Variants in FGD3 observed in about 807,000 individuals in gnomAD.
The protein encoded by FGD3 is FYVE, RhoGEF and PH domain containing 3.
Under a neutral mutation model 71.8 loss-of-function variants are expected in FGD3, and 45 were observed. The observed-to-expected ratio is 0.63, with a 90% confidence interval of 0.49 to 0.80. The LOEUF (loss-of-function observed/expected upper bound fraction) is 0.80. FGD3 is among the 30% of genes least tolerant of loss of function. The pLI is 0.00. For missense variants in FGD3, 844 were observed against 951.5 expected (o/e 0.89, Z 1.49); for synonymous variants, 378 against 392.8 (o/e 0.96, Z 0.44).
At chr9:92,975,068 G>T (rs978671563) in intron 1 of FGD3, among the ~76,000 whole-genome samples, 170 bp from the exon 2 acceptor site, 6 of 152,232 alleles carry the variant, frequency 3.9e-5, no homozygotes, top group Admixed American at 3.9e-4. Context: ...TGCCAGCCTG[G>T]GGGCTGAGGA....
At chr9:92,995,707 GC>G (rs1267214621) in intron 3 of FGD3, among the ~76,000 whole-genome samples, 1 of 152,132 alleles carries the variant, frequency 6.6e-6, no homozygotes, top group Admixed American at 6.5e-5. Flanking sequence ...TTTGTTGAAG[GC>G]CTTTTCTGCA....
At chr9:92,950,468 T>A (rs1010645760) in intron 1 of FGD3, among the ~76,000 whole-genome samples, 7 of 149,578 alleles carry the variant, frequency 4.7e-5, no homozygotes, top group Non-Finnish European at 8.9e-5. Flanking sequence ...GAAGAGCAGG[T>A]TGGATTTGCC....
chr9:93,028,316 T>G (rs953588733), intron 14 of FGD3, among the ~76,000 whole-genome samples: 5 of 146,024 alleles, frequency 3.4e-5, no homozygotes, highest in Admixed American at 1.4e-4. Flanking sequence ...TAAGCTTATT[T>G]TAGGTAGTTT....
At chr9:93,016,548 G>C (rs553445429) in intron 10 of FGD3, among the ~76,000 whole-genome samples, 7 of 151,704 alleles carry the variant, frequency 4.6e-5, no homozygotes, top group Non-Finnish European at 7.4e-5. Flanking sequence ...ATGTTTGCCA[G>C]GCTGGTCTCG....
chr9:93,006,112 G>C lies in FGD3; in HGVS notation c.769G>C (p.Ala257Pro), dbSNP rs753098628. ...YGEYVKNFDRAVGLVSTWTQR... is the reference protein window; with the variant it reads ...YGEYVKNFDRPVGLVSTWTQR... ...CGAGTATGTCAAGAACTTTGACCGAGCCGTAGGGCTGGTGAGCACGTGGAC... is the reference window on the plus strand; with the variant it reads ...CGAGTATGTCAAGAACTTTGACCGACCCGTAGGGCTGGTGAGCACGTGGAC... Residue 257 changes from alanine (A) to proline (P), a missense_variant, in exon 6 of 18, where the codon GCC becomes CCC. Transcript: ENST00000375482. The C allele has an allele frequency of 3.1e-6, 5 of 1,613,180 alleles. No individual in the cohort carries two copies. In the African/African-American group the frequency reaches 6.7e-5, roughly 22 times the overall value.
chr9:93,034,772 G>GTCCAC, intron 17 of FGD3, 91 bp downstream of exon 17: 2 of 1,416,074 alleles, frequency 1.4e-6, no homozygotes, highest in Non-Finnish European at 1.9e-6. Flanking sequence ...ACCAGCTGGG[G>GTCCAC]TCCACCTGCT....
intron 14 of FGD3, 24 bp downstream of exon 14, chr9:93,022,413 C>T (rs778999688): frequency 1.2e-6 from 2 of 1,608,928 alleles, no homozygotes; most frequent in Admixed American, 1.7e-5. Context: ...GCTCAGCGGT[C>T]AGCAGGGGTG....
chr9:92,982,366 T>C (rs530342670), intron 3 of FGD3, among the ~76,000 whole-genome samples: 1 of 152,362 alleles, frequency 6.6e-6, no homozygotes, highest in South Asian at 2.1e-4. Flanking sequence ...ATACCACATT[T>C]TCCTTATTCA....
At chr9:92,980,950 G>A (rs1364806284) in intron 3 of FGD3, among the ~76,000 whole-genome samples, 5 of 147,174 alleles carry the variant, frequency 3.4e-5, no homozygotes, top group Admixed American at 2.1e-4. Flanking sequence ...TAGGCTGGGC[G>A]ACAGAGCAAG....
chr9:93,015,887 G>A (rs1231960956), intron 10 of FGD3, 58 bp downstream of exon 10: 3 of 1,501,092 alleles, frequency 2.0e-6, no homozygotes, highest in East Asian at 4.5e-5. Context: ...GAGCAGGACT[G>A]GGGACACCAG....
At position 93,029,006 on chromosome 9, in the gene FGD3, T is replaced by TG. The variant is rs1862249164; in HGVS notation, c.1558-868_1558-867insG. 7.5e-5 allele frequency among the ~76,000 whole-genome samples: 5 copies of TG among 66,458 alleles called. No homozygotes were observed. The South Asian group carries it at 2.4e-3, about 31-fold the overall frequency. The allele number at this position is 66,458 out of a possible 152,430, so 43.6% of individuals were successfully genotyped here. On this transcript the variant is annotated intron_variant, in intron 14 of 17. Transcript: ENST00000375482. ...CACATGTCCTCACAGTTTTTTTTTT[T>TG]TTTTTTTTTTTTTTTTTTTTTTTTT...
chr9:93,001,172 T>G (rs1328207784), intron 3 of FGD3, among the ~76,000 whole-genome samples: 1 of 152,224 alleles, frequency 6.6e-6, no homozygotes, highest in Non-Finnish European at 1.5e-5. Context: ...TATTCTCACT[T>G]TGTTCATGCA....
chr9:92,976,172 G>C, intron 2 of FGD3, 36 bp from the exon 3 acceptor site: 2 of 1,307,446 alleles, frequency 1.5e-6, no homozygotes, highest in Non-Finnish European at 1.0e-6. Context: ...GTCCATGCCT[G>C]GCTAGCACTG....
At chr9:93,025,501 T>C (rs539530618) in intron 14 of FGD3, among the ~76,000 whole-genome samples, 20 of 151,616 alleles carry the variant, frequency 1.3e-4, no homozygotes, top group Admixed American at 5.9e-4. Flanking sequence ...GGAGGTGAGC[T>C]CAGTGTGCGT....
chr9:93,029,342 C>T (rs1862266305), intron 14 of FGD3, among the ~76,000 whole-genome samples: 2 of 152,174 alleles, frequency 1.3e-5, no homozygotes, highest in African/African-American at 4.8e-5. Flanking sequence ...CGTCCAGCCT[C>T]CCCCTAAAAT....
In FGD3 at chr9:92,971,338, G is replaced by C. The variant is rs557332426; in HGVS notation, c.-217-3900G>C. 3.9e-5 allele frequency among the ~76,000 whole-genome samples: 6 copies of C among 152,122 alleles called. No individual in the cohort carries two copies. In the East Asian group the frequency reaches 1.2e-3, roughly 29 times the overall value. ...AGATGGGAGTGATTTGAGGGCCTCC[G>C]ATGAGCACAGTGCATCCCTCTCCTC... On this transcript the variant is annotated intron_variant, in intron 1 of 17. Transcript: ENST00000375482.
chr9:92,964,961 G>A (rs12553741), intron 1 of FGD3, among the ~76,000 whole-genome samples: 8,805 of 152,278 alleles, frequency 0.058, 362 homozygotes, highest in Non-Finnish European at 0.086. Context: ...TAGCAGATGC[G>A]GGCCTGTGTA....
intron 3 of FGD3, among the ~76,000 whole-genome samples, chr9:92,988,886 C>G (rs947267673): frequency 6.6e-6 from 1 of 152,194 alleles, no homozygotes; most frequent in African/African-American, 2.4e-5. Flanking sequence ...CAAGACCATG[C>G]TCTTGTCTGT....
intron 3 of FGD3, among the ~76,000 whole-genome samples, chr9:92,984,639 C>T (rs1860122797): frequency 6.6e-6 from 1 of 152,104 alleles, no homozygotes; most frequent in Admixed American, 6.6e-5. Flanking sequence ...AGAAATAGAG[C>T]TCTTAGAGAT....
Sources: gnomAD v4.1 joint callset for allele counts (sites outside exome capture counted in the v4.1 genomes callset) on GRCh38, gnomAD v4.1.1 for gene constraint, MANE v1.5 for transcripts, NCBI Gene and HGNC (gene_info 2026-07-23, HGNC 2026-07-21) for gene names.